The following TDRD3 variants were observed in gnomAD, a reference collection of about 807,000 sequenced individuals.
TDRD3 encodes the protein tudor domain-containing protein 3.
TDRD3 carries 45 observed loss-of-function variants against 86.7 expected under a neutral mutation model. The ratio of observed to expected loss-of-function variants is 0.52; its 90% CI spans 0.41 to 0.67. TDRD3 has a LOEUF of 0.67. TDRD3 is among the 30% of genes least tolerant of loss of function. The probability of loss-of-function intolerance (pLI) is 0.00; values close to 1 mark genes in which losing one functional copy is unlikely to be tolerated. For missense variants in TDRD3, 814 were observed against 889.0 expected, an observed-to-expected ratio of 0.92 and a Z score of 1.07; for synonymous variants, 298 against 301.7, an observed-to-expected ratio of 0.99 and a Z score of 0.13.
chr13:60,531,098 T>G (rs1184199809), intron 11 of TDRD3, among the ~76,000 whole-genome samples: 3 of 152,188 alleles, frequency 2.0e-5, no homozygotes, highest in Non-Finnish European at 4.4e-5. Context: ...TGTCACATCT[T>G]TACTTAAGCC....
chr13:60,444,688 T>C lies in TDRD3; in HGVS notation c.132T>C (p.Asp44=). 8 of 1,454,672 alleles carry C rather than the reference T, an allele frequency of 5.5e-6. No homozygotes were observed. The highest frequency in any genetic ancestry group is 7.4e-6 in the Non-Finnish European group (8 of 1,081,036). The allele number at this position is 1,454,672 out of a possible 1,614,324, so 90.1% of individuals were successfully genotyped here. The change falls in exon 3 of 14, where the codon GAT becomes GAC. Residue 44 remains aspartate (D), a synonymous_variant. Transcript: ENST00000377881. ...NDIILIALNT[D]LRTIGKKFLP... is the part of the protein sequence containing the mutation. ...TAATAATATTTTTATTTTAGACAGA[T>C]CTGAGAACAATTGGCAAGAAATTCC...
intron 1 of TDRD3, among the ~76,000 whole-genome samples, chr13:60,416,374 G>C (rs1221962032): frequency 6.6e-6 from 1 of 152,110 alleles, no homozygotes; most frequent in East Asian, 1.9e-4. Context: ...CCTTTCCCAT[G>C]ATCAGTTGAG....
intron 1 of TDRD3, among the ~76,000 whole-genome samples, chr13:60,416,008 A>G (rs1413791278): frequency 6.6e-6 from 1 of 152,168 alleles, no homozygotes; most frequent in Non-Finnish European, 1.5e-5. Flanking sequence ...TCAGTTAATA[A>G]TGTTTATTAG....
At chr13:60,513,989 G>A (rs988087914) in intron 10 of TDRD3, among the ~76,000 whole-genome samples, 1 of 152,190 alleles carries the variant, frequency 6.6e-6, no homozygotes, top group Non-Finnish European at 1.5e-5. Flanking sequence ...ACAGGCAGAG[G>A]TTGGAATGGT....
intron 3 of TDRD3, among the ~76,000 whole-genome samples, chr13:60,449,752 A>G (rs1955492480): frequency 6.6e-6 from 1 of 151,936 alleles, no homozygotes; most frequent in Non-Finnish European, 1.5e-5. Context: ...CTTCTAGTAA[A>G]TATACAACTA....
intron 8 of TDRD3, among the ~76,000 whole-genome samples, chr13:60,506,351 A>G (rs1185584497): frequency 1.3e-5 from 2 of 152,238 alleles, no homozygotes; most frequent in African/African-American, 4.8e-5. Context: ...GAGAGATTTT[A>G]TCACCACCAG....
At position 60,525,463 on chromosome 13, in the gene TDRD3, C is replaced by T. The variant is rs377665605; in HGVS notation, c.1142-2904C>T. 1.4e-4 allele frequency among the ~76,000 whole-genome samples: 21 copies of T among 151,974 alleles called. 1 individual carries two copies. The South Asian group carries it at 1.9e-3, about 14-fold the overall frequency. On this transcript the variant is annotated intron_variant, in intron 10 of 13. Transcript: ENST00000377881. ...TGCTGGGATTACAGGGGTGAACCAC[C>T]GCACCTGGCCAGGAATTCTTATTTT...
intron 1 of TDRD3, among the ~76,000 whole-genome samples, chr13:60,397,680 G>A (rs1953965545): frequency 6.7e-6 from 1 of 148,640 alleles, no homozygotes; most frequent in Admixed American, 6.7e-5. Flanking sequence ...GGAGAGGCCG[G>A]GGGCCGCGAG....
intron 3 of TDRD3, among the ~76,000 whole-genome samples, chr13:60,456,038 C>G (rs1414373138): frequency 1.4e-5 from 2 of 141,482 alleles, no homozygotes; most frequent in Admixed American, 7.8e-5. Flanking sequence ...CCATTGCACT[C>G]CAGCCTGGGT....
intron 12 of TDRD3, among the ~76,000 whole-genome samples, chr13:60,566,208 G>A (rs1301694980): frequency 3.3e-5 from 5 of 151,258 alleles, no homozygotes; most frequent in Non-Finnish European, 7.4e-5. Context: ...TTAGGGCAAA[G>A]TCACAAAGCT....
intron 12 of TDRD3, 98 bp from the exon 13 acceptor site, chr13:60,567,427 T>G: frequency 6.6e-7 from 1 of 1,514,052 alleles, no homozygotes; most frequent in East Asian, 2.3e-5. Context: ...CAGGGCAGCT[T>G]AAGAGAGATA....
At chr13:60,572,234 AG>A (rs1958603097) in intron 13 of TDRD3, among the ~76,000 whole-genome samples, 1 of 152,198 alleles carries the variant, frequency 6.6e-6, no homozygotes, top group South Asian at 2.1e-4. Context: ...GTCCACAGCA[AG>A]TGGCTCTCAG....
chr13:60,553,101 TG>T (rs1958103869), intron 12 of TDRD3, among the ~76,000 whole-genome samples: 1 of 152,212 alleles, frequency 6.6e-6, no homozygotes, highest in African/African-American at 2.4e-5. Context: ...ACCCAGAAAA[TG>T]GGTTTTTCTT....
chr13:60,481,213 C>T (rs1956307897), intron 5 of TDRD3, among the ~76,000 whole-genome samples: 1 of 152,142 alleles, frequency 6.6e-6, no homozygotes, highest in African/African-American at 2.4e-5. Flanking sequence ...ATGTACCTAA[C>T]ATGGTTGGTG....
intron 1 of TDRD3, among the ~76,000 whole-genome samples, 185 bp downstream of exon 1, chr13:60,397,590 G>C (rs1953959713): frequency 6.7e-6 from 1 of 149,056 alleles, no homozygotes; most frequent in African/African-American, 2.4e-5. Flanking sequence ...AGTTCCCCTA[G>C]GTCCCCTGGA....
intron 13 of TDRD3, 80 bp downstream of exon 13, chr13:60,567,730 T>C (rs1043669670): frequency 3.2e-6 from 5 of 1,551,124 alleles, no homozygotes; most frequent in Admixed American, 1.9e-5. Context: ...ATTAGTGATT[T>C]TTTTTTCTCT....
chr13:60,517,932 A>G (rs1162951305), intron 10 of TDRD3, among the ~76,000 whole-genome samples: 2 of 152,230 alleles, frequency 1.3e-5, no homozygotes, highest in Non-Finnish European at 1.5e-5. Flanking sequence ...TCAGCAGCAG[A>G]TTGGAAATTA....
intron 12 of TDRD3, among the ~76,000 whole-genome samples, chr13:60,557,863 C>T (rs1195617850): frequency 9.2e-6 from 1 of 109,208 alleles, no homozygotes; most frequent in Non-Finnish European, 1.9e-5. Flanking sequence ...CTCGCTCTGT[C>T]ACCAGGCTGG....
intron 1 of TDRD3, among the ~76,000 whole-genome samples, chr13:60,428,144 A>G (rs1394151195): frequency 6.6e-6 from 1 of 151,138 alleles, no homozygotes; most frequent in African/African-American, 2.4e-5. Flanking sequence ...TCTGTGTGTC[A>G]CTTTACTCTG....
Sources: gnomAD v4.1 joint callset for allele counts (sites outside exome capture counted in the v4.1 genomes callset) on GRCh38, gnomAD v4.1.1 for gene constraint, MANE v1.5 for transcripts, NCBI Gene and HGNC (gene_info 2026-07-23, HGNC 2026-07-21) for gene names.